RBP4: variants seen among roughly 807,000 people sequenced by gnomAD.
RBP4 encodes retinol-binding protein 4.
Under a neutral mutation model 26.2 loss-of-function variants are expected in RBP4, and 9 were observed. The observed-to-expected ratio is 0.34, with a 90% confidence interval of 0.21 to 0.60. The LOEUF is 0.60. Ranked by LOEUF, RBP4 falls within the 20% of genes least tolerant of loss-of-function variation. The pLI is 0.80. For missense variants in RBP4, 244 were observed against 271.3 expected (o/e 0.90, Z 0.71); for synonymous variants, 114 against 111.0 (o/e 1.03, Z -0.17).
intron 4 of RBP4, among the ~76,000 whole-genome samples, chr10:93,600,009 A>C (rs2058326020): frequency 1.3e-5 from 2 of 152,150 alleles, no homozygotes; most frequent in Admixed American, 1.3e-4. Context: ...GGAGCCCCAG[A>C]TAGTCAAGCT....
chr10:93,600,854 C>A (rs1300122643), intron 2 of RBP4, 51 bp from the exon 3 acceptor site: 20 of 1,593,408 alleles, frequency 1.3e-5, no homozygotes, highest in Non-Finnish European at 1.6e-5. Flanking sequence ...GCACGGCGGG[C>A]CGCGGGGAGG....
At chr10:93,601,328 G>T (rs2058338253), upstream of RBP4, 3 of 1,220,842 alleles carry the variant, frequency 2.5e-6, no homozygotes, top group Middle Eastern at 3.3e-4. Flanking sequence ...AAGGGGAGGC[G>T]CCGGGGGCAC....
intron 3 of RBP4, 39 bp downstream of exon 3, chr10:93,600,628 T>G: frequency 6.2e-7 from 1 of 1,612,460 alleles, no homozygotes; most frequent in Middle Eastern, 1.7e-4. Context: ...TGGGGAACCC[T>G]GGAGCGCAAA....
At chr10:93,594,175 G>T in intron 4 of RBP4, 140 bp from the exon 5 acceptor site, 1 of 832,000 alleles carries the variant, frequency 1.2e-6, no homozygotes, top group Non-Finnish European at 2.0e-6. Context: ...ACACTTCAGA[G>T]AATTCTGACA....
At chr10:93,601,137 C>A (rs2058336206) in intron 1 of RBP4, 34 bp downstream of exon 1, 2 of 1,496,484 alleles carry the variant, frequency 1.3e-6, no homozygotes, top group Non-Finnish European at 1.8e-6. Flanking sequence ...CGGCCCATCC[C>A]GCCGCCGGCC....
At chr10:93,600,045 C>G (rs557208999) in intron 4 of RBP4, among the ~76,000 whole-genome samples, 1 of 152,048 alleles carries the variant, frequency 6.6e-6, no homozygotes, top group Non-Finnish European at 1.5e-5. Context: ...CCCAAAGAGA[C>G]GGAGGAAATG....
intron 4 of RBP4, among the ~76,000 whole-genome samples, chr10:93,596,695 G>A (rs1017695166): frequency 2.0e-5 from 3 of 152,180 alleles, no homozygotes; most frequent in African/African-American, 4.8e-5. Flanking sequence ...CTGGTTTAGC[G>A]GTTTGGACTG....
At chr10:93,599,671 G>A (rs10882281) in intron 4 of RBP4, among the ~76,000 whole-genome samples, 12,317 of 152,194 alleles carry the variant, frequency 0.081, 609 homozygotes, top group Middle Eastern at 0.11. Context: ...TCCATGATAT[G>A]TGTCCCCTGG....
intron 4 of RBP4, among the ~76,000 whole-genome samples, chr10:93,594,921 C>T (rs999273921): frequency 3.9e-5 from 6 of 152,078 alleles, no homozygotes; most frequent in African/African-American, 1.4e-4. Context: ...GGGAGGGTAA[C>T]TTGAGGCCAG....
chr10:93,600,989 C>G lies in RBP4; in HGVS notation c.40G>C (p.Gly14Arg), dbSNP rs2058334307. 1.2e-6 allele frequency: 2 copies of G among 1,612,124 alleles called. No individual in the cohort carries two copies. Among genetic ancestry groups the G allele is most frequent in the African/African-American group, 1.3e-5 (1 of 74,922 alleles). ...VWALLLLAAL[G>R]SGRAERDCRV... is the part of the protein sequence containing the mutation. ...CAGTCGCGCTCCGCGCGGCCGCTGC[C>G]CAGCGCCGCCAACAGCAAGAGCGCC... The change falls in exon 2 of 6, where the codon GGC (glycine) becomes CGC (arginine). Residue 14 changes from glycine (G) to arginine (R), a missense_variant. Transcript: ENST00000371464.
At chr10:93,601,108 A>AACC in intron 1 of RBP4, 62 bp from the exon 2 acceptor site, 3 of 1,505,934 alleles carry the variant, frequency 2.0e-6, no homozygotes, top group Non-Finnish European at 2.7e-6. Flanking sequence ...ATCCCACCTC[A>AACC]CCCCACCCCA....
intron 4 of RBP4, among the ~76,000 whole-genome samples, chr10:93,594,514 C>T (rs78853772): frequency 0.015 from 2,258 of 152,306 alleles, 24 homozygotes; most frequent in Non-Finnish European, 0.025. Flanking sequence ...AACTCACTGA[C>T]CGGGCTGCCC....
At position 93,600,899 on chromosome 10, in the gene RBP4, C is replaced by T; in HGVS notation, c.111+19G>A. The T allele has an allele frequency of 1.2e-6, 2 of 1,611,856 alleles. No homozygotes were observed. The highest frequency in any genetic ancestry group is 1.7e-6 in the Non-Finnish European group (2 of 1,179,566). On this transcript the variant is annotated intron_variant, in intron 2 of 5. Coordinates refer to ENST00000371464, the MANE Select transcript of RBP4 (RefSeq NM_006744.4). ...GGGTGGGGACCTGGGCCGCCTGGGC[C>T]CCCTGGGCCGATACCTACGCGAGCC...
At chr10:93,600,602 C>T in intron 3 of RBP4, 65 bp downstream of exon 3, 2 of 1,612,630 alleles carry the variant, frequency 1.2e-6, no homozygotes, top group Non-Finnish European at 1.7e-6. Flanking sequence ...ACGTGGCGAT[C>T]AGCAGGCAGG....
intron 2 of RBP4, 57 bp downstream of exon 2, chr10:93,600,861 G>A: frequency 6.3e-7 from 1 of 1,591,456 alleles, no homozygotes; most frequent in Non-Finnish European, 8.6e-7. Context: ...GGGCCGCGGG[G>A]AGGGCGGGGA....
intron 4 of RBP4, among the ~76,000 whole-genome samples, chr10:93,595,476 T>C (rs964102127): frequency 6.6e-6 from 1 of 152,224 alleles, no homozygotes; most frequent in African/African-American, 2.4e-5. Flanking sequence ...CAAGGGAGTG[T>C]GATCCCAGAG....
chr10:93,593,664 T>C (rs1359763800), intron 5 of RBP4, among the ~76,000 whole-genome samples, 159 bp downstream of exon 5: 3 of 152,192 alleles, frequency 2.0e-5, no homozygotes. Context: ...GTGAAAAATC[T>C]GGCCAAGCAG....
chr10:93,597,336 C>T (rs913948950), intron 4 of RBP4, among the ~76,000 whole-genome samples: 2 of 152,166 alleles, frequency 1.3e-5, no homozygotes, highest in Non-Finnish European at 2.9e-5. Context: ...GAGTCTTTGT[C>T]CAGGTCTTTC....
rs1419026792 is a variant in RBP4, at chr10:93,596,837, C to T, written c.356-2802G>A. 2.6e-5 allele frequency among the ~76,000 whole-genome samples: 4 copies of T among 152,204 alleles called. No individual in the cohort carries two copies. In the East Asian group the frequency reaches 7.7e-4, roughly 29 times the overall value. On this transcript the variant is annotated intron_variant, in intron 4 of 5. Coordinates refer to ENST00000371464, the MANE Select transcript of RBP4 (RefSeq NM_006744.4). ...TTCAGCTCCCTAAACCTGCATGCTC[C>T]AATCATCTAAAGCAGCAAGACCAGG...
Sources: gnomAD v4.1 joint callset for allele counts (sites outside exome capture counted in the v4.1 genomes callset) on GRCh38, gnomAD v4.1.1 for gene constraint, MANE v1.5 for transcripts, NCBI Gene and HGNC (gene_info 2026-07-23, HGNC 2026-07-21) for gene names.